Variants in CCDC158 observed in about 807,000 individuals in gnomAD.
CCDC158 encodes coiled-coil domain-containing protein 158.
CCDC158 carries 116 observed loss-of-function variants against 138.6 expected under a neutral mutation model. That is an observed-to-expected ratio of 0.84 (90% CI 0.72 to 0.98). CCDC158 has a LOEUF of 0.98. Ranked by LOEUF, CCDC158 falls within the 50% of genes least tolerant of loss-of-function variation. The pLI is 0.00. For missense variants in CCDC158, 1,265 were observed against 1,306.1 expected (o/e 0.97, Z 0.48); for synonymous variants, 436 against 442.4 (o/e 0.99, Z 0.18).
intron 24 of CCDC158, among the ~76,000 whole-genome samples, chr4:76,322,272 T>G (rs1229448742): frequency 6.6e-6 from 1 of 152,216 alleles, no homozygotes; most frequent in East Asian, 1.9e-4. Flanking sequence ...AACAATTTGC[T>G]AAAGCCTTAC....
At position 76,325,958 on chromosome 4, in the gene CCDC158, G is replaced by A. The variant is rs772436559; in HGVS notation, c.3068C>T (p.Ser1023Phe). The change falls in exon 23 of 25, where the codon TCT (serine) becomes TTT (phenylalanine). Residue 1023 changes from serine (S) to phenylalanine (F), a missense_variant. Ser to Phe is a radical substitution (Grantham distance 155, BLOSUM62 -2). Coordinates refer to ENST00000682701, the MANE Select transcript of CCDC158 (RefSeq NM_001394954.1). ...SRSFNSSPKK[S>F]PVHSLLTSSV... ...ACTAGTTAGGAGTGAGTGCACTGGA[G>A]ACTTCTTAGGAGAAGAATTGAATGA... 2 of 1,613,422 alleles carry A rather than the reference G, an allele frequency of 1.2e-6. No individual in the cohort carries two copies. Among genetic ancestry groups the A allele is most frequent in the East Asian group, 4.5e-5 (2 of 44,832 alleles).
intron 18 of CCDC158, among the ~76,000 whole-genome samples, chr4:76,343,784 G>C (rs1193602892): frequency 1.3e-5 from 2 of 152,296 alleles, no homozygotes; most frequent in African/African-American, 4.8e-5. Flanking sequence ...CTGGGTGACA[G>C]AGTGAGACTC....
chr4:76,387,695 C>T (rs545499474), intron 4 of CCDC158, among the ~76,000 whole-genome samples: 157 of 151,836 alleles, frequency 1.0e-3, no homozygotes, highest in East Asian at 1.9e-3. Flanking sequence ...TGGTGGTGCG[C>T]GCCTGTAATC....
intron 14 of CCDC158, among the ~76,000 whole-genome samples, chr4:76,355,798 C>T (rs202115867): frequency 1.6e-4 from 23 of 145,582 alleles, no homozygotes; most frequent in Middle Eastern, 3.5e-3. Flanking sequence ...AATATATGTA[C>T]GTGTGTGTGT....
intron 18 of CCDC158, chr4:76,345,547 A>T: frequency 9.8e-7 from 1 of 1,016,886 alleles, no homozygotes; most frequent in East Asian, 2.4e-5. Context: ...AGGAACAATG[A>T]CTCCCTTTTG....
intron 15 of CCDC158, among the ~76,000 whole-genome samples, chr4:76,354,950 T>A (rs1449269655): frequency 6.6e-6 from 1 of 152,222 alleles, no homozygotes; most frequent in Non-Finnish European, 1.5e-5. Context: ...GTGTCACTAA[T>A]AAAATTTGTT....
In CCDC158 at chr4:76,384,253, T is replaced by G; in HGVS notation, c.561A>C (p.Gln187His). The G allele has an allele frequency of 6.2e-7, 1 of 1,614,164 alleles. No individual in the cohort carries two copies. The highest frequency in any genetic ancestry group is 8.5e-7 in the Non-Finnish European group (1 of 1,180,012). The change falls in exon 6 of 25, where the codon CAA (glutamine) becomes CAC (histidine). Residue 187 changes from glutamine to histidine, a missense_variant. Coordinates refer to ENST00000682701, the MANE Select transcript of CCDC158 (RefSeq NM_001394954.1). ...KMMLSHEGVL[Q>H]EIRSILVDFE... is the part of the protein sequence containing the mutation. ...AGTCAACTAGGATTGACCGGATTTC[T>G]TGAAGCACTCCCTCATGACTAAGCA...
rs1451084909 is a variant in CCDC158 at position 76,328,761 on chromosome 4, C to T, written c.3010+139G>A. ...GTTTGAGAGTGGATAAAACAGAATGCATGAAAGAGGGAGTAGCAGGAAATG... is the reference window on the plus strand; with the variant it reads ...GTTTGAGAGTGGATAAAACAGAATGTATGAAAGAGGGAGTAGCAGGAAATG... On this transcript the variant is annotated intron_variant, in intron 22 of 24. Coordinates refer to ENST00000682701, the MANE Select transcript of CCDC158 (RefSeq NM_001394954.1). 5 of 668,764 alleles carry T rather than the reference C, an allele frequency of 7.5e-6. No individual in the cohort carries two copies. In the African/African-American group the frequency reaches 8.9e-5, roughly 12 times the overall value. 41.4% of individuals were successfully genotyped at this position (668,764 alleles called of 1,614,324 possible). A position where few individuals can be genotyped will look rare whatever the true frequency, so the allele number is the denominator to read the frequency against.
chr4:76,358,242 C>T (rs927626005), intron 13 of CCDC158, among the ~76,000 whole-genome samples: 13 of 152,132 alleles, frequency 8.5e-5, no homozygotes, highest in African/African-American at 3.1e-4. Context: ...ATCCTGAAAC[C>T]TACACTTAAT....
chr4:76,419,741 T>C (rs1310475873), intron 1 of CCDC158, among the ~76,000 whole-genome samples: 1 of 151,792 alleles, frequency 6.6e-6, no homozygotes, highest in Admixed American at 6.6e-5. Flanking sequence ...AATCTCTCCA[T>C]TTCAAGCTAC....
At chr4:76,384,516 T>C (rs1178814207) in intron 5 of CCDC158, 40 bp downstream of exon 5, 1 of 1,571,784 alleles carries the variant, frequency 6.4e-7, no homozygotes, top group South Asian at 1.2e-5. Context: ...TTTCACATAA[T>C]GAAAATATGT....
At chr4:76,348,146 C>T (rs546966027) in intron 18 of CCDC158, among the ~76,000 whole-genome samples, 11 of 151,860 alleles carry the variant, frequency 7.2e-5, no homozygotes, top group South Asian at 4.2e-4. Context: ...GCACTAATGC[C>T]GGGCGCGGTG....
chr4:76,392,430 G>A (rs1159759296), intron 4 of CCDC158, among the ~76,000 whole-genome samples: 2 of 151,160 alleles, frequency 1.3e-5, no homozygotes, highest in Non-Finnish European at 3.0e-5. Context: ...CATCTTTTCA[G>A]GACAAAACTC....
intron 1 of CCDC158, among the ~76,000 whole-genome samples, chr4:76,420,733 T>C (rs1730052266): frequency 6.6e-6 from 1 of 152,296 alleles, no homozygotes; most frequent in East Asian, 1.9e-4. Context: ...CGCAGGCCCC[T>C]GTGTTCTTCA....
chr4:76,338,507 G>A (rs373543277), intron 18 of CCDC158, among the ~76,000 whole-genome samples: 112 of 152,174 alleles, frequency 7.4e-4, no homozygotes, highest in African/African-American at 2.3e-3. Flanking sequence ...GAGAGACTCC[G>A]TCTCAAAAAA....
upstream of CCDC158, among the ~76,000 whole-genome samples, chr4:76,421,513 C>A (rs1022621594): frequency 1.3e-5 from 2 of 152,100 alleles, no homozygotes; most frequent in African/African-American, 4.8e-5. Flanking sequence ...ACTCTTGCCC[C>A]CACCCGAGCG....
At chr4:76,359,346 A>C (rs1278474698) in intron 13 of CCDC158, among the ~76,000 whole-genome samples, 1 of 152,244 alleles carries the variant, frequency 6.6e-6, no homozygotes, top group Non-Finnish European at 1.5e-5. Flanking sequence ...CAGATACCTG[A>C]AAATATGAAA....
chr4:76,327,766 T>C (rs1720660131), intron 22 of CCDC158, among the ~76,000 whole-genome samples: 1 of 152,186 alleles, frequency 6.6e-6, no homozygotes, highest in Non-Finnish European at 1.5e-5. Flanking sequence ...CTCCCATCTC[T>C]TTTTACCTTA....
intron 18 of CCDC158, chr4:76,345,085 T>C: frequency 2.3e-6 from 3 of 1,314,234 alleles, no homozygotes; most frequent in Non-Finnish European, 2.2e-6. Flanking sequence ...CCAGATCTCA[T>C]AAAAATTGTT....
Sources: allele counts gnomAD v4.1 joint callset (sites outside exome capture counted in the v4.1 genomes callset), GRCh38; gene constraint gnomAD v4.1.1; transcripts MANE v1.5; gene names NCBI Gene and HGNC (gene_info 2026-07-23, HGNC 2026-07-21).